ARHGAP32: variants seen among roughly 807,000 people sequenced by gnomAD.
ARHGAP32 encodes rho GTPase-activating protein 32.
A neutral mutation model predicts 186.5 loss-of-function variants in ARHGAP32; 51 were observed. The observed-to-expected ratio is 0.27, with a 90% CI of 0.22 to 0.35. The LOEUF is 0.35. ARHGAP32 is among the 10% of genes least tolerant of loss of function. ARHGAP32 has a pLI of 1.00. For missense variants in ARHGAP32, 2,186 were observed against 2,623.5 expected, an observed-to-expected ratio of 0.83 and a Z score of 3.64; for synonymous variants, 950 against 964.3, an observed-to-expected ratio of 0.99 and a Z score of 0.27.
intron 2 of ARHGAP32, chr11:129,126,068 C>T (rs1565434649): frequency 2.5e-6 from 1 of 406,492 alleles, no homozygotes; most frequent in East Asian, 7.4e-5. Context: ...TTCATCAGTA[C>T]TCATCATCAT....
intron 6 of ARHGAP32, among the ~76,000 whole-genome samples, chr11:129,090,633 C>T (rs928788749): frequency 6.6e-6 from 1 of 152,032 alleles, no homozygotes; most frequent in African/African-American, 2.4e-5. Context: ...TATTACAGCA[C>T]AGGTAGAAAA....
chr11:129,196,714 C>CT (rs1055337033), upstream of ARHGAP32, among the ~76,000 whole-genome samples: 16 of 152,154 alleles, frequency 1.1e-4, no homozygotes, highest in Non-Finnish European at 1.9e-4. Flanking sequence ...GAAACTGAGA[C>CT]TTAGCATCAT....
At chr11:129,222,087 G>A (rs778365685) in intron 1 of ARHGAP32, among the ~76,000 whole-genome samples, 52 of 152,142 alleles carry the variant, frequency 3.4e-4, no homozygotes, top group Non-Finnish European at 6.6e-4. Flanking sequence ...GCAACAGGAT[G>A]AAGAAACAGC....
chr11:129,143,077 A>ATATATATATATC (rs2135432242), intron 2 of ARHGAP32, among the ~76,000 whole-genome samples: 1 of 148,266 alleles, frequency 6.7e-6, no homozygotes, highest in South Asian at 2.1e-4. Flanking sequence ...AACTGCATAT[A>ATATATATATATC]TATATATATA....
chr11:129,264,260 T>C (rs1945362975), intron 1 of ARHGAP32, among the ~76,000 whole-genome samples: 1 of 152,202 alleles, frequency 6.6e-6, no homozygotes. Context: ...TGGCAAGTTG[T>C]TTCACAGTCA....
At chr11:129,206,508 C>A (rs1456339185) in intron 1 of ARHGAP32, among the ~76,000 whole-genome samples, 1 of 152,172 alleles carries the variant, frequency 6.6e-6, no homozygotes, top group Non-Finnish European at 1.5e-5. Flanking sequence ...CTGCCACACC[C>A]AGCCATTGAT....
intron 6 of ARHGAP32, among the ~76,000 whole-genome samples, chr11:129,067,688 T>C (rs1388068388): frequency 6.6e-6 from 1 of 152,038 alleles, no homozygotes; most frequent in East Asian, 1.9e-4. Context: ...GTATAGCATA[T>C]AGTTTTGCAA....
At chr11:129,276,369 T>C (rs1421413702) in intron 1 of ARHGAP32, among the ~76,000 whole-genome samples, 3 of 152,204 alleles carry the variant, frequency 2.0e-5, no homozygotes, top group Non-Finnish European at 2.9e-5. Context: ...GGCACAATGA[T>C]AGCTCACTGT....
At chr11:129,193,549 AATATATATATATTATATATAATATAT>A (rs1470279269), upstream of ARHGAP32, among the ~76,000 whole-genome samples, 432 of 50,002 alleles carry the variant, frequency 8.6e-3, 19 homozygotes, top group African/African-American at 0.038. Flanking sequence ...TATTATATAT[AATATATATATATTATATATAATATAT>A]ATATATTATA....
At chr11:129,139,578 C>T (rs1279734646) in intron 2 of ARHGAP32, among the ~76,000 whole-genome samples, 3 of 152,004 alleles carry the variant, frequency 2.0e-5, no homozygotes, top group Admixed American at 2.0e-4. Flanking sequence ...TCATAGGGGG[C>T]GGGTCTTTCT....
At chr11:129,113,963 T>G (rs1444245459) in intron 5 of ARHGAP32, among the ~76,000 whole-genome samples, 1 of 152,146 alleles carries the variant, frequency 6.6e-6, no homozygotes, top group East Asian at 1.9e-4. Flanking sequence ...GCTCAAGGTC[T>G]CATTTTTCAC....
intron 10 of ARHGAP32, among the ~76,000 whole-genome samples, chr11:129,045,031 G>A (rs781153592): frequency 6.6e-6 from 1 of 152,110 alleles, no homozygotes; most frequent in Admixed American, 6.5e-5. Context: ...AGGTATATGG[G>A]GAAATGCCAC....
Position 129,221,521 on chromosome 11 carries a change from GTGTGTGTGTGTGTT to G in ARHGAP32, c.-4-57108_-4-57095del, listed in dbSNP as rs747454294. 6.8e-3 allele frequency among the ~76,000 whole-genome samples: 781 copies of G among 114,974 alleles called. 7 individuals are homozygous for G. The highest frequency in any genetic ancestry group is 0.025 in the South Asian group (98 of 3,940). 75.4% of individuals were successfully genotyped at this position (114,974 alleles called of 152,430 possible). ...TGTGTGTGTGTGTGTGTGTGTGTGT[GTGTGTGTGTGTGTT>G]TATGGTAAAAATTCATAGGCAGCAG... On this transcript the variant is annotated intron_variant, in intron 1 of 6. Transcript: ENST00000525234.
chr11:129,006,303 A>G (rs1937769251), intron 11 of ARHGAP32, among the ~76,000 whole-genome samples: 1 of 152,188 alleles, frequency 6.6e-6, no homozygotes, highest in African/African-American at 2.4e-5. Flanking sequence ...GTGTCTGAGC[A>G]TTGAAGAGTC....
intron 5 of ARHGAP32, among the ~76,000 whole-genome samples, chr11:129,094,108 T>C (rs917688480): frequency 6.6e-6 from 1 of 151,688 alleles, no homozygotes; most frequent in African/African-American, 2.4e-5. Context: ...GGGGAGGAGG[T>C]GGGGATGGTT....
At chr11:129,130,941 A>C (rs1351304436) in intron 2 of ARHGAP32, among the ~76,000 whole-genome samples, 3 of 152,178 alleles carry the variant, frequency 2.0e-5, no homozygotes, top group Non-Finnish European at 4.4e-5. Context: ...TTACAAATAC[A>C]CAAAGAGCAG....
intron 2 of ARHGAP32, among the ~76,000 whole-genome samples, chr11:129,162,457 G>A (rs1395126157): frequency 6.6e-6 from 1 of 152,106 alleles, no homozygotes; most frequent in Admixed American, 6.6e-5. Context: ...TATTGTTGTT[G>A]AGGAGTCAAT....
upstream of ARHGAP32, among the ~76,000 whole-genome samples, chr11:129,195,057 C>T (rs1197102709): frequency 1.3e-5 from 2 of 151,876 alleles, no homozygotes; most frequent in African/African-American, 4.8e-5. Flanking sequence ...GCAACCTCCA[C>T]CTCCCAGTTC....
At chr11:129,274,018 CAAAA>C (rs34977774) in intron 1 of ARHGAP32, among the ~76,000 whole-genome samples, 1 of 142,334 alleles carries the variant, frequency 7.0e-6, no homozygotes, top group Admixed American at 7.0e-5. Flanking sequence ...TAGCCGGAAG[CAAAA>C]AAAAAAAAAC....
Sources: gnomAD v4.1 joint callset for allele counts (sites outside exome capture counted in the v4.1 genomes callset) on GRCh38, gnomAD v4.1.1 for gene constraint, MANE v1.5 for transcripts, NCBI Gene and HGNC (gene_info 2026-07-23, HGNC 2026-07-21) for gene names.